Variants in BAALC observed in about 807,000 individuals in gnomAD.
BAALC encodes the protein brain and acute leukemia cytoplasmic protein.
In BAALC, 9 loss-of-function variants were observed where a neutral mutation model predicts 15.5. The observed-to-expected ratio is 0.58, with a 90% CI of 0.35 to 1.02. The LOEUF is 1.02. BAALC is among the 50% of genes least tolerant of loss of function. The pLI is 0.02. For missense variants in BAALC, 201 were observed against 192.4 expected, an observed-to-expected ratio of 1.04 and a Z score of -0.27; for synonymous variants, 80 against 74.6, an observed-to-expected ratio of 1.07 and a Z score of -0.37.
At chr8:103,155,226 A>C (rs1405959124) in intron 1 of BAALC, among the ~76,000 whole-genome samples, 1 of 152,250 alleles carries the variant, frequency 6.6e-6, no homozygotes, top group Non-Finnish European at 1.5e-5. Flanking sequence ...AGGTTGAAAT[A>C]GTGTAATATT....
rs775229380 is a variant in BAALC at position 103,228,113 on chromosome 8, C to T, written c.*14C>T. On this transcript the variant is annotated 3_prime_UTR_variant, in exon 3 of 3. Coordinates refer to ENST00000309982, the MANE Select transcript of BAALC (RefSeq NM_024812.3). ...TGTGTCAACTAGCAGAGAGTCCAAG[C>T]AGAAGGGCAGATGGACTTCTTCAGT... is the stretch of plus-strand genomic sequence containing the variant. The T allele has an allele frequency of 6.5e-7, 1 of 1,536,874 alleles. No homozygotes were observed. The highest frequency in any genetic ancestry group is 1.1e-5 in the South Asian group (1 of 88,964).
At position 103,152,777 on chromosome 8, in the gene BAALC, C is replaced by T. The variant is rs150854742; in HGVS notation, c.160+11720C>T. On this transcript the variant is annotated intron_variant, in intron 1 of 2. Transcript: ENST00000309982. ...AGGTCTGGAGGTCGGCGGCCACACCCAGTCACGGACACTGTGGAGGAGCTG... is the reference window on the plus strand; with the variant it reads ...AGGTCTGGAGGTCGGCGGCCACACCTAGTCACGGACACTGTGGAGGAGCTG... Among the ~76,000 whole-genome samples, 70 of 152,346 alleles carry T rather than the reference C, an allele frequency of 4.6e-4. 1 individual carries two copies. Among genetic ancestry groups the T allele is most frequent in the African/African-American group, 1.7e-3 (69 of 41,582 alleles).
intron 2 of BAALC, among the ~76,000 whole-genome samples, chr8:103,219,128 A>G (rs2130083415): frequency 6.6e-6 from 1 of 152,306 alleles, no homozygotes; most frequent in South Asian, 2.1e-4. Context: ...GAATTTAGCA[A>G]TACAGAGATG....
At chr8:103,199,223 C>T (rs1314763487) in intron 1 of BAALC, among the ~76,000 whole-genome samples, 1 of 152,098 alleles carries the variant, frequency 6.6e-6, no homozygotes, top group Non-Finnish European at 1.5e-5. Context: ...ATAGGCTCTG[C>T]CAATTGCCCT....
intron 1 of BAALC, among the ~76,000 whole-genome samples, chr8:103,182,893 T>C (rs1811758726): frequency 6.6e-6 from 1 of 152,176 alleles, no homozygotes; most frequent in South Asian, 2.1e-4. Context: ...GAGGCCAGGC[T>C]TCCAGGACTT....
chr8:103,143,624 C>T (rs1391118), intron 1 of BAALC, among the ~76,000 whole-genome samples: 35,870 of 152,068 alleles, frequency 0.24, 4,349 homozygotes, highest in East Asian at 0.41. Flanking sequence ...CAGACTTTAC[C>T]CTCAGCTCCC....
chr8:103,181,396 T>G (rs545652282), intron 1 of BAALC, among the ~76,000 whole-genome samples: 2 of 152,150 alleles, frequency 1.3e-5, no homozygotes, highest in South Asian at 4.1e-4. Context: ...CCTCGCCTCC[T>G]GAGTAGCTGG....
intron 2 of BAALC, among the ~76,000 whole-genome samples, chr8:103,223,557 C>T (rs1347142450): frequency 6.6e-6 from 1 of 152,152 alleles, no homozygotes; most frequent in Non-Finnish European, 1.5e-5. Flanking sequence ...AAAGTTTGTG[C>T]TCTGAATATT....
chr8:103,210,442 C>T (rs916938154), intron 1 of BAALC, among the ~76,000 whole-genome samples: 1 of 152,260 alleles, frequency 6.6e-6, no homozygotes, highest in African/African-American at 2.4e-5. Flanking sequence ...CCTGTGGACA[C>T]TGCCATCTCA....
At chr8:103,178,695 A>G (rs1457975680) in intron 1 of BAALC, among the ~76,000 whole-genome samples, 1 of 152,058 alleles carries the variant, frequency 6.6e-6, no homozygotes, top group East Asian at 1.9e-4. Flanking sequence ...TGTCTCTACT[A>G]AAAATACAAA....
intron 1 of BAALC, chr8:103,191,244 T>C (rs1176732301): frequency 1.3e-5 from 2 of 151,748 alleles, no homozygotes; most frequent in Non-Finnish European, 2.9e-5. Context: ...GAGAGGAATA[T>C]CTTAGAACAA....
chr8:103,191,347 G>T (rs988860550), intron 1 of BAALC: 2 of 152,136 alleles, frequency 1.3e-5, no homozygotes, highest in Non-Finnish European at 2.9e-5. Context: ...CAAGCCCTGG[G>T]TCAGTAGTGT....
chr8:103,177,160 C>T (rs1037415939), intron 1 of BAALC, among the ~76,000 whole-genome samples: 5 of 148,500 alleles, frequency 3.4e-5, no homozygotes, highest in Admixed American at 1.4e-4. Context: ...TTCCTGTGTG[C>T]GGGTTTTTTG....
chr8:103,201,908 T>G (rs1390383801), intron 1 of BAALC, among the ~76,000 whole-genome samples: 1 of 152,132 alleles, frequency 6.6e-6, no homozygotes, highest in African/African-American at 2.4e-5. Flanking sequence ...GAAGGAAGAA[T>G]GAAACAGGAG....
intron 1 of BAALC, among the ~76,000 whole-genome samples, chr8:103,161,564 A>G (rs1811224593): frequency 6.6e-6 from 1 of 152,168 alleles, no homozygotes; most frequent in African/African-American, 2.4e-5. Flanking sequence ...GCTGTTCCCA[A>G]TCTTTTACTG....
chr8:103,188,678 T>C lies in BAALC; in HGVS notation c.161-24241T>C, dbSNP rs180706928. ...AAAATACACCTGCATGTTCCTCTAC[T>C]TACAGTTTTCATAGCCCAGTAATCA... On this transcript the variant is annotated intron_variant, in intron 1 of 2. Transcript: ENST00000309982. 2.5e-3 allele frequency among the ~76,000 whole-genome samples: 387 copies of C among 152,324 alleles called. 1 individual carries two copies. Among genetic ancestry groups the C allele is most frequent in the African/African-American group, 9.0e-3 (374 of 41,574 alleles).
At chr8:103,216,371 C>T (rs942326551) in intron 2 of BAALC, among the ~76,000 whole-genome samples, 3 of 152,196 alleles carry the variant, frequency 2.0e-5, no homozygotes, top group Non-Finnish European at 4.4e-5. Flanking sequence ...GCTTTATACT[C>T]TAACTAGCAG....
Position 103,146,560 on chromosome 8 carries a change from T to C in BAALC, c.160+5503T>C, listed in dbSNP as rs58580690. ...ACAGTCCTATCCCTGTACCTAACGC[T>C]GTTCTGGCTACATCAGGACCCTGAG... On this transcript the variant is annotated intron_variant, in intron 1 of 2. Transcript: ENST00000309982. 7.2e-3 allele frequency among the ~76,000 whole-genome samples: 1,093 copies of C among 152,354 alleles called. 18 individuals carry two copies. The highest frequency in any genetic ancestry group is 0.025 in the African/African-American group (1,036 of 41,582).
intron 1 of BAALC, among the ~76,000 whole-genome samples, chr8:103,197,026 T>C (rs1298811687): frequency 6.6e-6 from 1 of 152,146 alleles, no homozygotes; most frequent in Non-Finnish European, 1.5e-5. Flanking sequence ...TGAAGGCAAG[T>C]TACTTGGATT....
Sources: gnomAD v4.1 joint callset for allele counts (sites outside exome capture counted in the v4.1 genomes callset) on GRCh38, gnomAD v4.1.1 for gene constraint, MANE v1.5 for transcripts, NCBI Gene and HGNC (gene_info 2026-07-23, HGNC 2026-07-21) for gene names.